PAG1: variants seen among roughly 807,000 people sequenced by gnomAD.
The protein encoded by PAG1 is phosphoprotein membrane anchor with glycosphingolipid microdomains 1, also known as phosphoprotein associated with glycosphingolipid-enriched microdomains 1.
A neutral mutation model predicts 31.7 loss-of-function variants in PAG1; 23 were observed. The ratio of observed to expected loss-of-function variants is 0.73; its 90% CI spans 0.52 to 1.03. The LOEUF (loss-of-function observed/expected upper bound fraction) is 1.03. Ranked by LOEUF, PAG1 falls within the 50% of genes least tolerant of loss-of-function variation. PAG1 has a pLI of 0.00. For synonymous variants in PAG1, 214 were observed against 210.3 expected (o/e 1.02, Z -0.15); for missense variants, 473 against 540.7 (o/e 0.87, Z 1.24).
intron 2 of PAG1, chr8:81,039,629 T>C (rs984663822): frequency 2.0e-5 from 3 of 152,158 alleles, no homozygotes; most frequent in African/African-American, 7.2e-5. Flanking sequence ...GGTCAGTGCA[T>C]GAAAAGATGG....
chr8:81,087,773 C>T (rs972017341), intron 1 of PAG1, among the ~76,000 whole-genome samples: 2 of 152,182 alleles, frequency 1.3e-5, no homozygotes, highest in East Asian at 1.9e-4. Context: ...AACAAACCCT[C>T]GGCTGCAAGG....
In PAG1 at chr8:81,003,663, G is replaced by GA. The variant is rs56969169; in HGVS notation, c.-80-10357dup. ...GCCCCATGCCTCAGTTTCCCCTTCTGAAAAATGTGGTCATTTCAAAAGAAG... is the reference window on the plus strand; with the variant it reads ...GCCCCATGCCTCAGTTTCCCCTTCTGAAAAAATGTGGTCATTTCAAAAGAAG... On this transcript the variant is annotated intron_variant, in intron 3 of 8. Coordinates refer to ENST00000220597, the MANE Select transcript of PAG1 (RefSeq NM_018440.4). Among the ~76,000 whole-genome samples the GA allele has an allele frequency of 2.9e-3, 440 of 152,166 alleles. 1 individual carries two copies. Among genetic ancestry groups the GA allele is most frequent in the African/African-American group, 0.01 (430 of 41,528 alleles).
intron 1 of PAG1, among the ~76,000 whole-genome samples, chr8:81,103,286 A>G (rs191643616): frequency 2.0e-5 from 3 of 152,316 alleles, no homozygotes; most frequent in Admixed American, 1.3e-4. Context: ...TGAGCAGACT[A>G]ATAAAGAAAA....
At position 81,048,988 on chromosome 8, in the gene PAG1, A is replaced by T. The variant is rs192499451; in HGVS notation, c.-174-18899T>A. 1.4e-3 allele frequency among the ~76,000 whole-genome samples: 208 copies of T among 152,346 alleles called. 1 individual carries two copies. Among genetic ancestry groups the T allele is most frequent in the African/African-American group, 4.8e-3 (200 of 41,574 alleles). On this transcript the variant is annotated intron_variant, in intron 2 of 8. Coordinates refer to ENST00000220597, the MANE Select transcript of PAG1 (RefSeq NM_018440.4). ...GACTACAATACTTGTGATTCTGGCT[A>T]ACGATTATGACTTTATTAATGCATT...
chr8:81,103,512 G>A (rs1809642851), intron 1 of PAG1, among the ~76,000 whole-genome samples: 1 of 152,038 alleles, frequency 6.6e-6, no homozygotes, highest in South Asian at 2.1e-4. Flanking sequence ...CAAAATTAAA[G>A]GACAAACGTT....
intron 2 of PAG1, among the ~76,000 whole-genome samples, chr8:81,056,261 A>G (rs1360581151): frequency 3.3e-5 from 5 of 152,222 alleles, no homozygotes; most frequent in Admixed American, 3.3e-4. Context: ...CACATTGCCA[A>G]GACAATCCTA....
chr8:80,973,560 ATTTATT>A lies in PAG1; in HGVS notation c.*2978_*2983del, dbSNP rs1004457714. ...TTACAAGATAAAAAAATTTCCTAAA[ATTTATT>A]TTTAAATTTCACATAACCTGCTATA... On this transcript the variant is annotated 3_prime_UTR_variant, in exon 9 of 9. Transcript: ENST00000220597. The A allele has an allele frequency of 1.3e-5, 2 of 152,204 alleles. No homozygotes were observed. Among genetic ancestry groups the A allele is most frequent in the African/African-American group, 4.8e-5 (2 of 41,466 alleles). The allele number at this position is 152,204 out of a possible 1,614,324, so 9.4% of individuals were successfully genotyped here.
intron 1 of PAG1, among the ~76,000 whole-genome samples, chr8:81,085,448 G>A (rs1288468528): frequency 6.6e-6 from 1 of 152,166 alleles, no homozygotes; most frequent in Non-Finnish European, 1.5e-5. Context: ...TCATGAAAAG[G>A]TGCATTGTGT....
At chr8:80,996,122 C>T (rs1807667434) in intron 3 of PAG1, among the ~76,000 whole-genome samples, 1 of 152,262 alleles carries the variant, frequency 6.6e-6, no homozygotes, top group South Asian at 2.1e-4. Flanking sequence ...ACAAAGGCCC[C>T]AGTTGCGGGG....
At chr8:81,003,694 G>A (rs1328119720) in intron 3 of PAG1, among the ~76,000 whole-genome samples, 2 of 151,976 alleles carry the variant, frequency 1.3e-5, no homozygotes, top group African/African-American at 4.8e-5. Context: ...AGAAGCTAAG[G>A]GTTCTTTTGA....
chr8:81,001,816 C>G (rs191703448), intron 3 of PAG1, among the ~76,000 whole-genome samples: 18 of 152,296 alleles, frequency 1.2e-4, no homozygotes, highest in Admixed American at 9.8e-4. Context: ...ACTTCCTCTT[C>G]TAACACACTG....
At chr8:81,000,956 C>T (rs911073535) in intron 3 of PAG1, among the ~76,000 whole-genome samples, 6 of 152,228 alleles carry the variant, frequency 3.9e-5, no homozygotes, top group Admixed American at 2.0e-4. Flanking sequence ...ACACCTTCTC[C>T]AGCTCCTAGG....
chr8:81,036,701 TCTCCCCCTGCTAAG>T (rs1808467080), intron 2 of PAG1, among the ~76,000 whole-genome samples: 3 of 152,190 alleles, frequency 2.0e-5, no homozygotes, highest in Admixed American at 1.3e-4. Flanking sequence ...CAGCCGCTCT[TCTCCCCCTGCTAAG>T]CTCCCTCATG....
At position 80,971,822 on chromosome 8, in the gene PAG1, TA is replaced by T. The variant is rs1364563052; in HGVS notation, c.*4721del. ...TAGAGACTAGATGTAAACACAGACC[TA>T]AAAATGAGCAGTAGGATAAAAAAAA... is the stretch of plus-strand genomic sequence containing the variant. On this transcript the variant is annotated 3_prime_UTR_variant, in exon 9 of 9. Transcript: ENST00000220597. 1 of 152,186 alleles carries T rather than the reference TA, an allele frequency of 6.6e-6. No homozygotes were observed. The highest frequency in any genetic ancestry group is 1.5e-5 in the Non-Finnish European group (1 of 68,004). The allele number at this position is 152,186 out of a possible 1,614,324, so 9.4% of individuals were successfully genotyped here. A position where few individuals can be genotyped will look rare whatever the true frequency, so the allele number is the denominator to read the frequency against.
At chr8:81,048,282 G>T (rs549926466) in intron 2 of PAG1, among the ~76,000 whole-genome samples, 2 of 151,920 alleles carry the variant, frequency 1.3e-5, no homozygotes, top group African/African-American at 4.8e-5. Context: ...GTCTTATATT[G>T]GGGGAGAATG....
intron 2 of PAG1, among the ~76,000 whole-genome samples, chr8:81,044,260 A>G (rs993313534): frequency 6.6e-6 from 1 of 152,250 alleles, no homozygotes; most frequent in Non-Finnish European, 1.5e-5. Context: ...GGGTCTTTAC[A>G]GAGGTAATCA....
In PAG1 at chr8:80,991,507, C is replaced by T. The variant is rs767540380; in HGVS notation, c.149G>A (p.Ser50Asn). The T allele has an allele frequency of 6.2e-7, 1 of 1,613,816 alleles. No individual in the cohort carries two copies. The highest frequency in any genetic ancestry group is 1.7e-5 in the Admixed American group (1 of 60,032). Residue 50 changes from serine to asparagine, a missense_variant, in exon 5 of 9, where the codon AGT becomes AAT. Physicochemically the swap from Ser to Asn is conservative, Grantham distance 46. Transcript: ENST00000220597. ...GTTCATCAGGTTCTCATGGTCCCCA[C>T]TATGCTGTCGCGGCTTCTTTTCCCT... The part of the protein sequence containing the change: ...CDREKKPRQH[S>N]GDHENLMNVP...
chr8:81,036,238 A>G (rs1167373995), intron 2 of PAG1, among the ~76,000 whole-genome samples: 1 of 152,208 alleles, frequency 6.6e-6, no homozygotes, highest in Non-Finnish European at 1.5e-5. Context: ...GATAAAGTTA[A>G]AATACCAAAA....
rs906561833 is a variant in PAG1 at position 80,974,496 on chromosome 8, T to C, written c.*2048A>G. 6.6e-6 allele frequency: 1 copy of C among 152,218 alleles called. No individual in the cohort carries two copies. The highest frequency in any genetic ancestry group is 1.5e-5 in the Non-Finnish European group (1 of 68,046). 9.4% of individuals were successfully genotyped at this position (152,218 alleles called of 1,614,324 possible). The stretch of plus-strand genomic sequence containing the variant: ...TCTTCTAATCAGTGATGATTGTGCT[T>C]ATGCACACGACATCTTCATGGGAGA... On this transcript the variant is annotated 3_prime_UTR_variant, in exon 9 of 9. Coordinates refer to ENST00000220597, the MANE Select transcript of PAG1 (RefSeq NM_018440.4).
Sources: gnomAD v4.1 joint callset for allele counts (sites outside exome capture counted in the v4.1 genomes callset) on GRCh38, gnomAD v4.1.1 for gene constraint, MANE v1.5 for transcripts, NCBI Gene and HGNC (gene_info 2026-07-23, HGNC 2026-07-21) for gene names.